GRM3: variants seen among roughly 807,000 people sequenced by gnomAD.
The protein encoded by GRM3 is metabotropic glutamate receptor 3.
GRM3 carries 26 observed loss-of-function variants against 70.5 expected under a neutral mutation model. That is an observed-to-expected ratio of 0.37 (90% CI 0.27 to 0.51). GRM3 has a LOEUF of 0.51. Ranked by LOEUF, GRM3 falls within the 20% of genes least tolerant of loss-of-function variation. The pLI is 0.93. For missense variants in GRM3, 859 were observed against 1,123.8 expected (o/e 0.76, Z 3.37); for synonymous variants, 443 against 434.9 (o/e 1.02, Z -0.23).
At chr7:86,843,953 A>G (rs73194591) in intron 4 of GRM3, among the ~76,000 whole-genome samples, 15,111 of 152,210 alleles carry the variant, frequency 0.099, 955 homozygotes, top group Non-Finnish European at 0.15. Context: ...ATTCTGATTC[A>G]GTAAGAAAGG....
At chr7:86,736,185 A>G (rs1468200305) in intron 1 of GRM3, among the ~76,000 whole-genome samples, 4 of 152,036 alleles carry the variant, frequency 2.6e-5, no homozygotes, top group Admixed American at 6.6e-5. Context: ...TAACGGATAC[A>G]TGGTGATTGT....
intron 1 of GRM3, among the ~76,000 whole-genome samples, chr7:86,664,501 T>A (rs1429739517): frequency 6.6e-6 from 1 of 151,986 alleles, no homozygotes; most frequent in Non-Finnish European, 1.5e-5. Context: ...AAATTATTTA[T>A]GTGTTAGAAG....
At chr7:86,712,186 A>G (rs369649112) in intron 1 of GRM3, among the ~76,000 whole-genome samples, 12 of 151,878 alleles carry the variant, frequency 7.9e-5, no homozygotes, top group East Asian at 3.9e-4. Flanking sequence ...GCTCTTCTCT[A>G]TAACTGGTCC....
At chr7:86,689,014 C>T (rs1298921093) in intron 1 of GRM3, among the ~76,000 whole-genome samples, 1 of 149,034 alleles carries the variant, frequency 6.7e-6, no homozygotes. Context: ...ATATTCAAAA[C>T]CATGAATTCT....
chr7:86,747,774 C>T (rs987422635), intron 1 of GRM3, among the ~76,000 whole-genome samples: 1 of 152,082 alleles, frequency 6.6e-6, no homozygotes, highest in Non-Finnish European at 1.5e-5. Context: ...ATGATTTCTT[C>T]AAGAACATAA....
chr7:86,677,914 C>T (rs1297985507), intron 1 of GRM3, among the ~76,000 whole-genome samples: 2 of 151,924 alleles, frequency 1.3e-5, no homozygotes, highest in Admixed American at 1.3e-4. Context: ...GACTATTCAA[C>T]ACAATTTTAC....
chr7:86,830,540 A>G (rs1372977297), intron 3 of GRM3, among the ~76,000 whole-genome samples: 1 of 152,250 alleles, frequency 6.6e-6, no homozygotes, highest in Non-Finnish European at 1.5e-5. Flanking sequence ...AAAAGAATGG[A>G]TAAATTGTGG....
At chr7:86,716,587 G>A (rs1795321772) in intron 1 of GRM3, among the ~76,000 whole-genome samples, 1 of 151,372 alleles carries the variant, frequency 6.6e-6, no homozygotes, top group South Asian at 2.1e-4. Context: ...GAGGGAGTGA[G>A]CACATATGCA....
chr7:86,701,609 A>G (rs1794947741), intron 1 of GRM3, among the ~76,000 whole-genome samples: 1 of 151,932 alleles, frequency 6.6e-6, no homozygotes, highest in Admixed American at 6.6e-5. Flanking sequence ...AGATTTTATT[A>G]AATCTAATTT....
chr7:86,703,638 T>C (rs1468313925), intron 1 of GRM3, among the ~76,000 whole-genome samples: 1 of 151,948 alleles, frequency 6.6e-6, no homozygotes, highest in Admixed American at 6.6e-5. Context: ...CTTTGTTCTC[T>C]AGGAATGTGT....
chr7:86,816,890 AGT>A (rs945397443), intron 3 of GRM3, among the ~76,000 whole-genome samples: 7 of 151,862 alleles, frequency 4.6e-5, no homozygotes, highest in African/African-American at 1.7e-4. Flanking sequence ...GGGAATTAGC[AGT>A]GTATTTAAAC....
intron 3 of GRM3, among the ~76,000 whole-genome samples, chr7:86,837,484 A>G (rs934489986): frequency 1.3e-5 from 2 of 152,210 alleles, no homozygotes; most frequent in Non-Finnish European, 2.9e-5. Context: ...TTTCCATAGT[A>G]TGGAAGTAGC....
intron 1 of GRM3, among the ~76,000 whole-genome samples, chr7:86,716,409 G>A (rs914114681): frequency 5.9e-5 from 9 of 151,774 alleles, no homozygotes; most frequent in Non-Finnish European, 7.4e-5. Flanking sequence ...TGGATTTATC[G>A]TCAGAAAACT....
At chr7:86,810,822 GT>G (rs2116654998) in intron 3 of GRM3, among the ~76,000 whole-genome samples, 1 of 151,998 alleles carries the variant, frequency 6.6e-6, no homozygotes, top group African/African-American at 2.4e-5. Context: ...TTGAAAATTT[GT>G]GTTTAAAACA....
intron 4 of GRM3, among the ~76,000 whole-genome samples, chr7:86,848,106 G>T (rs919067279): frequency 4.6e-5 from 7 of 152,180 alleles, no homozygotes; most frequent in Admixed American, 1.3e-4. Context: ...AAACATCCAT[G>T]ACCTTGGTAG....
At chr7:86,673,010 A>C (rs551915404) in intron 1 of GRM3, among the ~76,000 whole-genome samples, 60 of 152,132 alleles carry the variant, frequency 3.9e-4, no homozygotes, top group Non-Finnish European at 7.8e-4. Flanking sequence ...CAAACTTTAA[A>C]ATCTTTCAGT....
chr7:86,665,672 A>T (rs1429539935), intron 1 of GRM3, among the ~76,000 whole-genome samples: 1 of 152,062 alleles, frequency 6.6e-6, no homozygotes, highest in Non-Finnish European at 1.5e-5. Flanking sequence ...ACCATATGTT[A>T]TACTTCTTCT....
rs145727019 is a variant in GRM3 at position 86,670,756 on chromosome 7, A to G, written c.-141+25884A>G. On this transcript the variant is annotated intron_variant, in intron 1 of 5. Transcript: ENST00000361669. ...TTAAAACCTTCATAGTTGCCAATTT[A>G]TTATTCAGGCTTTTAAGTTCCTTCA... Among the ~76,000 whole-genome samples the G allele has an allele frequency of 9.0e-3, 1,377 of 152,226 alleles. 17 individuals are homozygous for G. The highest frequency in any genetic ancestry group is 0.032 in the African/African-American group (1,314 of 41,536).
In GRM3 at chr7:86,686,046, T is replaced by C. The variant is rs547534208; in HGVS notation, c.-141+41174T>C. On this transcript the variant is annotated intron_variant, in intron 1 of 5. Coordinates refer to ENST00000361669, the MANE Select transcript of GRM3 (RefSeq NM_000840.3). ...TATATGTAGCTTAAAATAATAATTA[T>C]CAGTTTAAATAATGAGCAAGATAGA... 3.3e-5 allele frequency among the ~76,000 whole-genome samples: 5 copies of C among 152,188 alleles called. No individual in the cohort carries two copies. The East Asian group carries it at 5.8e-4, about 18-fold the overall frequency.
Sources: allele counts gnomAD v4.1 joint callset (sites outside exome capture counted in the v4.1 genomes callset), GRCh38; gene constraint gnomAD v4.1.1; transcripts MANE v1.5; gene names NCBI Gene and HGNC (gene_info 2026-07-23, HGNC 2026-07-21).